The following ZFHX3 variants were observed in gnomAD, a reference collection of about 807,000 sequenced individuals.
The protein encoded by ZFHX3 is zinc finger homeobox protein 3.
A neutral mutation model predicts 279.1 loss-of-function variants in ZFHX3; 42 were observed. The observed-to-expected ratio is 0.15, with a 90% CI of 0.12 to 0.19. The LOEUF is 0.19. Ranked by LOEUF, ZFHX3 falls within the 10% of genes least tolerant of loss-of-function variation. The probability of loss-of-function intolerance (pLI) is 1.00; values close to 1 mark genes in which losing one functional copy is unlikely to be tolerated. For synonymous variants in ZFHX3, 2,293 were observed against 1,957.8 expected (o/e 1.17, Z -4.52); for missense variants, 4,981 against 4,754.0 (o/e 1.05, Z -1.40).
intron 1 of ZFHX3, among the ~76,000 whole-genome samples, chr16:73,721,136 T>G (rs1262910043): frequency 6.6e-6 from 1 of 152,126 alleles, no homozygotes; most frequent in Non-Finnish European, 1.5e-5. Flanking sequence ...TTCTTTTTCT[T>G]TTTTTTGACA....
At chr16:73,351,877 A>T (rs1264004458) in intron 3 of ZFHX3, among the ~76,000 whole-genome samples, 1 of 152,222 alleles carries the variant, frequency 6.6e-6, no homozygotes, top group Non-Finnish European at 1.5e-5. Context: ...TTGTCTGTCA[A>T]ATGTAGTATG....
At chr16:72,921,940 C>T (rs962434718) in intron 3 of ZFHX3, among the ~76,000 whole-genome samples, 3 of 152,208 alleles carry the variant, frequency 2.0e-5, no homozygotes, top group Non-Finnish European at 4.4e-5. Flanking sequence ...GCCTCCCAGC[C>T]GGGTGCGGAG....
chr16:73,761,693 A>G (rs1259913101), intron 1 of ZFHX3, among the ~76,000 whole-genome samples: 4 of 152,224 alleles, frequency 2.6e-5, no homozygotes, highest in Admixed American at 2.6e-4. Context: ...ATCTGCAACC[A>G]TCTGATCTTC....
At chr16:73,248,717 CT>C (rs1388821451) in intron 5 of ZFHX3, among the ~76,000 whole-genome samples, 2 of 151,848 alleles carry the variant, frequency 1.3e-5, no homozygotes, top group African/African-American at 2.4e-5. Context: ...GATGTCTCCC[CT>C]ATGTGCTGAG....
At chr16:73,323,188 C>T (rs569499992) in intron 3 of ZFHX3, among the ~76,000 whole-genome samples, 146 of 152,246 alleles carry the variant, frequency 9.6e-4, no homozygotes, top group African/African-American at 3.4e-3. Flanking sequence ...TCAGGAGGGC[C>T]TGGTGGGACC....
chr16:72,797,835 C>G lies in ZFHX3; in HGVS notation c.4847G>C (p.Arg1616Thr), dbSNP rs758634670. 6.2e-7 allele frequency: 1 copy of G among 1,614,128 alleles called. No homozygotes were observed. The stretch of plus-strand genomic sequence containing the variant: ...GGCCTTGGTTTGATGTAACACAGAC[C>G]TCATATGGATCTCCAGAGTGGAACT... ...SQSSTLEIHM[R>T]SVLHQTKARA... Residue 1616 changes from arginine (R) to threonine (T), a missense_variant, in exon 9 of 10, where the codon AGG (arginine) becomes ACG (threonine). Around this residue, in one of 7 missense-constraint regions of ZFHX3, gnomAD observed 1,751 missense variants for 1,770.0 expected, o/e 0.99. Coordinates refer to ENST00000268489, the MANE Select transcript of ZFHX3 (RefSeq NM_006885.4).
intron 8 of ZFHX3, among the ~76,000 whole-genome samples, chr16:73,077,137 C>T (rs1965894318): frequency 6.6e-6 from 1 of 152,278 alleles, no homozygotes; most frequent in South Asian, 2.1e-4. Flanking sequence ...TAATGCCAAT[C>T]CCCAAATTTT....
At chr16:73,535,545 T>C (rs545948872) in intron 2 of ZFHX3, among the ~76,000 whole-genome samples, 48 of 152,230 alleles carry the variant, frequency 3.2e-4, no homozygotes, top group African/African-American at 1.1e-3. Context: ...ACAGACACTC[T>C]CCATCTCCCA....
intron 5 of ZFHX3, among the ~76,000 whole-genome samples, chr16:73,223,549 A>C (rs747412894): frequency 6.6e-6 from 1 of 152,190 alleles, no homozygotes; most frequent in Non-Finnish European, 1.5e-5. Flanking sequence ...CGACAACCCC[A>C]TATGAAATAC....
At chr16:73,415,197 T>G (rs1317184472) in intron 3 of ZFHX3, among the ~76,000 whole-genome samples, 1 of 152,194 alleles carries the variant, frequency 6.6e-6, no homozygotes, top group Non-Finnish European at 1.5e-5. Context: ...AATCAGTAAT[T>G]TCTAATTGTA....
chr16:73,441,555 G>A (rs1479042854), intron 3 of ZFHX3, among the ~76,000 whole-genome samples: 2 of 152,168 alleles, frequency 1.3e-5, no homozygotes, highest in Non-Finnish European at 1.5e-5. Flanking sequence ...ATTTAGTTGG[G>A]GTAATAATGA....
chr16:73,166,035 C>T (rs1451684686), intron 5 of ZFHX3, among the ~76,000 whole-genome samples: 1 of 152,130 alleles, frequency 6.6e-6, no homozygotes, highest in African/African-American at 2.4e-5. Flanking sequence ...AACAAGAATA[C>T]TCCTGGAGGG....
chr16:73,668,640 C>CTTT (rs111584639), intron 2 of ZFHX3, among the ~76,000 whole-genome samples: 7 of 141,952 alleles, frequency 4.9e-5, no homozygotes, highest in African/African-American at 1.5e-4. Context: ...TAAACTCATC[C>CTTT]TTTTTTTTTT....
chr16:72,988,382 G>A (rs1217271510), intron 1 of ZFHX3, among the ~76,000 whole-genome samples: 1 of 152,182 alleles, frequency 6.6e-6, no homozygotes, highest in Non-Finnish European at 1.5e-5. Flanking sequence ...CTGGTACACG[G>A]ACCCAAGATC....
chr16:73,178,088 G>A (rs1967705901), intron 5 of ZFHX3, among the ~76,000 whole-genome samples: 1 of 152,082 alleles, frequency 6.6e-6, no homozygotes, highest in African/African-American at 2.4e-5. Context: ...GTCCTCTGAA[G>A]CAATGTAAAT....
chr16:73,707,779 C>T (rs535673245), intron 1 of ZFHX3, among the ~76,000 whole-genome samples: 144 of 150,564 alleles, frequency 9.6e-4, no homozygotes, highest in African/African-American at 3.5e-3. Flanking sequence ...AGAAACAAAA[C>T]TACATGCCAT....
intron 1 of ZFHX3, among the ~76,000 whole-genome samples, chr16:73,047,491 C>T (rs543818688): frequency 1.1e-4 from 17 of 152,198 alleles, no homozygotes; most frequent in African/African-American, 4.1e-4. Flanking sequence ...GGAACTAATC[C>T]AAAAGCAGAC....
intron 1 of ZFHX3, among the ~76,000 whole-genome samples, chr16:73,785,170 GC>G (rs1959606863): frequency 1.3e-5 from 2 of 152,194 alleles, no homozygotes; most frequent in South Asian, 4.2e-4. Flanking sequence ...AATACTATTT[GC>G]TGTATACATT....
At chr16:73,455,485 T>C (rs966967186) in intron 3 of ZFHX3, among the ~76,000 whole-genome samples, 7 of 152,098 alleles carry the variant, frequency 4.6e-5, no homozygotes, top group African/African-American at 1.7e-4. Flanking sequence ...GAACATTCCA[T>C]GAAAAGAAAG....
Sources: allele counts gnomAD v4.1 joint callset (sites outside exome capture counted in the v4.1 genomes callset), GRCh38; gene constraint gnomAD v4.1.1; regional missense constraint gnomAD v4.1.1; transcripts MANE v1.5; gene names NCBI Gene and HGNC (gene_info 2026-07-23, HGNC 2026-07-21).